TP73: variants seen among roughly 807,000 people sequenced by gnomAD.
TP73 encodes the protein tumor protein p73, also known as p53-like transcription factor.
A neutral mutation model predicts 62.5 loss-of-function variants in TP73; 25 were observed. The ratio of observed to expected loss-of-function variants is 0.40; its 90% CI spans 0.29 to 0.56. The LOEUF is 0.56. Among genes scored for constraint, TP73 ranks in the 20% least tolerant of loss-of-function variants. The pLI, the probability that TP73 is intolerant of heterozygous loss-of-function variation, is 0.46. For synonymous variants in TP73, 423 were observed against 377.5 expected (o/e 1.12, Z -1.40); for missense variants, 754 against 913.3 (o/e 0.83, Z 2.25).
Position 3,733,214 on chromosome 1 carries a change from TC to T in TP73, c.*139del. On this transcript the variant is annotated 3_prime_UTR_variant, in exon 14 of 14. Coordinates refer to ENST00000378295, the MANE Select transcript of TP73 (RefSeq NM_005427.4). ...CCGGGGAAAGGCAAGGTCCGGCCCA[TC>T]CCCAGGCACCTCACAGGCCCCAGGA... 1 of 1,092,450 alleles carries T rather than the reference TC, an allele frequency of 9.2e-7. No individual in the cohort carries two copies. Among genetic ancestry groups the T allele is most frequent in the Non-Finnish European group, 1.3e-6 (1 of 785,570 alleles). The allele number at this position is 1,092,450 out of a possible 1,614,324, so 67.7% of individuals were successfully genotyped here.
chr1:3,707,433 T>C (rs1422242151), intron 3 of TP73, 116 bp from the exon 4 acceptor site: 3 of 1,415,232 alleles, frequency 2.1e-6, no homozygotes, highest in Non-Finnish European at 2.9e-6. Flanking sequence ...GGGGAAATAT[T>C]TGGGATGACT....
chr1:3,703,503 G>A (rs1055492524), intron 3 of TP73, among the ~76,000 whole-genome samples: 17 of 152,358 alleles, frequency 1.1e-4, no homozygotes, highest in East Asian at 5.8e-4. Flanking sequence ...GCGTGGGGCC[G>A]CCTGCCGCAA....
chr1:3,688,905 AT>A (rs1227092065), intron 3 of TP73, among the ~76,000 whole-genome samples: 6 of 152,204 alleles, frequency 3.9e-5, no homozygotes, highest in Non-Finnish European at 4.4e-5. Context: ...CCTTTTGGCT[AT>A]TTATAAAACC....
intron 4 of TP73, among the ~76,000 whole-genome samples, chr1:3,720,385 C>G (rs1018751778): frequency 1.3e-5 from 2 of 152,186 alleles, no homozygotes; most frequent in Non-Finnish European, 2.9e-5. Flanking sequence ...TCCAGGGGCT[C>G]CAGGTGGACG....
At position 3,699,922 on chromosome 1, in the gene TP73, G is replaced by T. The variant is rs1207639065; in HGVS notation, c.187-7627G>T. 6.6e-6 allele frequency among the ~76,000 whole-genome samples: 1 copy of T among 152,126 alleles called. No individual in the cohort carries two copies. The highest frequency in any genetic ancestry group is 1.5e-5 in the Non-Finnish European group (1 of 68,024). ...CTCTGTTTCCAAGAGAAGGGGGACT[G>T]CATGGCCAGACCGTGGGCTCGGGCC... On this transcript the variant is annotated intron_variant, in intron 3 of 13. Transcript: ENST00000378295. This position sits in a 1 kb window ranked among gnomAD's most constrained non-coding sequence, Gnocchi z 4.1.
rs1645273072 is a variant in TP73 at position 3,672,839 on chromosome 1, A to C, written c.-33-9494A>C. On this transcript the variant is annotated intron_variant, in intron 1 of 13. Coordinates refer to ENST00000378295, the MANE Select transcript of TP73 (RefSeq NM_005427.4). This position sits in a 1 kb window ranked among gnomAD's most constrained non-coding sequence, Gnocchi z 5.3. ...GGCCATGTCCCTGCCCACCCCTTCCACCCCTTTCTTAGAGGAAGCTCAGCC... is the reference window on the plus strand; with the variant it reads ...GGCCATGTCCCTGCCCACCCCTTCCCCCCCTTTCTTAGAGGAAGCTCAGCC... Among the ~76,000 whole-genome samples, 8 of 144,096 alleles carry C rather than the reference A, an allele frequency of 5.6e-5. No homozygotes were observed. The highest frequency in any genetic ancestry group is 1.0e-4 in the African/African-American group (4 of 38,128). The allele number at this position is 144,096 out of a possible 152,430, so 94.5% of individuals were successfully genotyped here. A position where few individuals can be genotyped will look rare whatever the true frequency, so the allele number is the denominator to read the frequency against.
At chr1:3,668,138 A>G (rs184475037) in intron 1 of TP73, among the ~76,000 whole-genome samples, 53 of 152,290 alleles carry the variant, frequency 3.5e-4, no homozygotes, top group African/African-American at 1.2e-3. Context: ...TCACTTTCCT[A>G]TGAACTAGGG....
intron 3 of TP73, among the ~76,000 whole-genome samples, chr1:3,706,580 G>T (rs1340937996): frequency 6.6e-6 from 1 of 152,102 alleles, no homozygotes; most frequent in African/African-American, 2.4e-5. Flanking sequence ...GTTTATACAT[G>T]TGCAGTCTTC....
intron 3 of TP73, among the ~76,000 whole-genome samples, chr1:3,705,539 C>A (rs1044714074): frequency 6.6e-6 from 1 of 152,276 alleles, no homozygotes; most frequent in Non-Finnish European, 1.5e-5. Context: ...CGTGCCAAGA[C>A]CCTTGCAGTG....
intron 1 of TP73, among the ~76,000 whole-genome samples, chr1:3,668,249 C>T (rs539971225): frequency 6.6e-6 from 1 of 152,296 alleles, no homozygotes; most frequent in Non-Finnish European, 1.5e-5. Flanking sequence ...AAGAGTCACC[C>T]GGCTGCGATG....
intron 6 of TP73, among the ~76,000 whole-genome samples, chr1:3,725,330 G>T (rs1427330539): frequency 6.6e-6 from 1 of 150,910 alleles, no homozygotes; most frequent in African/African-American, 2.4e-5. Flanking sequence ...CCCAGTGCTT[G>T]GGGTTCAGTG....
At chr1:3,729,010 G>GAGAC (rs893504040) in intron 9 of TP73, among the ~76,000 whole-genome samples, 5 of 152,226 alleles carry the variant, frequency 3.3e-5, no homozygotes, top group Admixed American at 1.3e-4. Flanking sequence ...GAGAGAGACA[G>GAGAC]AGAGACAGAG....
chr1:3,689,518 C>A (rs1247255131), intron 3 of TP73, among the ~76,000 whole-genome samples: 1 of 152,054 alleles, frequency 6.6e-6, no homozygotes, highest in African/African-American at 2.4e-5. Flanking sequence ...TGGGGCAGGG[C>A]GGGTCCCCAG....
rs1638673368 is a variant in TP73, at chr1:3,696,522, G to A, written c.187-11027G>A. Among the ~76,000 whole-genome samples the A allele has an allele frequency of 6.6e-6, 1 of 151,792 alleles. No individual in the cohort carries two copies. Among genetic ancestry groups the A allele is most frequent in the African/African-American group, 2.4e-5 (1 of 41,282 alleles). On this transcript the variant is annotated intron_variant, in intron 3 of 13. Coordinates refer to ENST00000378295, the MANE Select transcript of TP73 (RefSeq NM_005427.4). The surrounding 1 kb of genome is among the most constrained non-coding windows in gnomAD (Gnocchi z 4.1). ...GACAGCGGCTGGAGCTGAGCACTGG[G>A]CACTACGACATCCGAGACACCAAGC...
rs991109207 is a variant in TP73 at position 3,691,114 on chromosome 1, C to T, written c.186+7934C>T. Among the ~76,000 whole-genome samples, 13 of 152,212 alleles carry T rather than the reference C, an allele frequency of 8.5e-5. No homozygotes were observed. In the East Asian group the frequency reaches 2.5e-3, roughly 29 times the overall value. The stretch of plus-strand genomic sequence containing the variant: ...AGGCGTTGAGGGGCTAGAGGCAGGT[C>T]CCAGGCATGGAGGCAAGCAGATTCG... On this transcript the variant is annotated intron_variant, in intron 3 of 13. Transcript: ENST00000378295.
chr1:3,691,225 G>T (rs1158332156), intron 3 of TP73, among the ~76,000 whole-genome samples: 1 of 152,124 alleles, frequency 6.6e-6, no homozygotes, highest in Non-Finnish European at 1.5e-5. Context: ...GGCTGCTGGT[G>T]TTTCTGCCTC....
intron 2 of TP73, 40 bp from the exon 3 acceptor site, chr1:3,683,020 A>G (rs768727497): frequency 1.3e-6 from 2 of 1,578,750 alleles, no homozygotes; most frequent in South Asian, 2.3e-5. Flanking sequence ...TGACACCCAA[A>G]CTGGGGACTG....
At chr1:3,727,293 C>A in intron 7 of TP73, 69 bp downstream of exon 7, 1 of 1,447,666 alleles carries the variant, frequency 6.9e-7, no homozygotes, top group Non-Finnish European at 9.6e-7. Flanking sequence ...AGAAGGGGAG[C>A]TGTCATGGAG....
chr1:3,667,891 G>A (rs978694059), intron 1 of TP73, among the ~76,000 whole-genome samples: 9 of 152,208 alleles, frequency 5.9e-5, no homozygotes, highest in Non-Finnish European at 7.3e-5. Flanking sequence ...CTTGTGTTAC[G>A]GTGCACAGGT....
Sources: allele counts gnomAD v4.1 joint callset (sites outside exome capture counted in the v4.1 genomes callset), GRCh38; gene constraint gnomAD v4.1.1; non-coding constraint Gnocchi (gnomAD v3.1); transcripts MANE v1.5; gene names NCBI Gene and HGNC (gene_info 2026-07-23, HGNC 2026-07-21).